The following KIF16B variants were observed in gnomAD, a reference collection of about 807,000 sequenced individuals.
The protein encoded by KIF16B is kinesin-like protein KIF16B.
Under a neutral mutation model 156.3 loss-of-function variants are expected in KIF16B, and 98 were observed. The ratio of observed to expected loss-of-function variants is 0.63; its 90% CI spans 0.53 to 0.74. The LOEUF (loss-of-function observed/expected upper bound fraction) is 0.74. Ranked by LOEUF, KIF16B falls within the 30% of genes least tolerant of loss-of-function variation. The probability of loss-of-function intolerance (pLI) is 0.00; values close to 1 mark genes in which losing one functional copy is unlikely to be tolerated. For synonymous variants in KIF16B, 564 were observed against 583.7 expected (o/e 0.97, Z 0.49); for missense variants, 1,421 against 1,606.5 (o/e 0.88, Z 1.97).
chr20:16,307,042 T>G lies in KIF16B; in HGVS notation c.3795+5293A>C, dbSNP rs950274319. Among the ~76,000 whole-genome samples the G allele has an allele frequency of 2.0e-5, 3 of 152,204 alleles. No homozygotes were observed. In the East Asian group the frequency reaches 5.8e-4, roughly 29 times the overall value. On this transcript the variant is annotated intron_variant, in intron 25 of 25. Transcript: ENST00000354981. The stretch of plus-strand genomic sequence containing the variant: ...CATTTCTTTCGATCTATCTTAATGC[T>G]CAAGCTAAAGAGATGAAAATGGGGA...
At chr20:16,503,042 C>T (rs193186830) in intron 10 of KIF16B, among the ~76,000 whole-genome samples, 1 of 152,226 alleles carries the variant, frequency 6.6e-6, no homozygotes, top group Non-Finnish European at 1.5e-5. Flanking sequence ...CGTGAAACCC[C>T]GTCTCTACCA....
chr20:16,292,159 T>C (rs2122496068), intron 25 of KIF16B, among the ~76,000 whole-genome samples: 1 of 152,380 alleles, frequency 6.6e-6, no homozygotes, highest in Admixed American at 6.5e-5. Flanking sequence ...AAAATGTTTT[T>C]GGTTGCCTGG....
At chr20:16,491,089 T>C (rs927219239) in intron 12 of KIF16B, among the ~76,000 whole-genome samples, 15 of 151,854 alleles carry the variant, frequency 9.9e-5, no homozygotes, top group African/African-American at 3.4e-4. Context: ...AACTGGGAAG[T>C]AGGGGAGAAG....
At chr20:16,561,110 T>G (rs2071042419) in intron 1 of KIF16B, among the ~76,000 whole-genome samples, 2 of 152,044 alleles carry the variant, frequency 1.3e-5, no homozygotes, top group Non-Finnish European at 2.9e-5. Flanking sequence ...GCCAACATGG[T>G]GAAACCCCGT....
intron 12 of KIF16B, among the ~76,000 whole-genome samples, chr20:16,441,070 T>C (rs2066786805): frequency 6.6e-6 from 1 of 152,234 alleles, no homozygotes; most frequent in African/African-American, 2.4e-5. Context: ...TTAGTATATT[T>C]CACCTACATG....
At chr20:16,411,254 T>G (rs956712640) in intron 15 of KIF16B, among the ~76,000 whole-genome samples, 1 of 151,926 alleles carries the variant, frequency 6.6e-6, no homozygotes, top group African/African-American at 2.4e-5. Flanking sequence ...TGGGATCCAC[T>G]CTTTTAATAC....
chr20:16,444,917 A>G (rs1288451219), intron 12 of KIF16B, among the ~76,000 whole-genome samples: 1 of 152,220 alleles, frequency 6.6e-6, no homozygotes, highest in African/African-American at 2.4e-5. Context: ...TTCTATTCTA[A>G]ATAAACTAAG....
At chr20:16,359,005 C>G (rs1026300136) in intron 22 of KIF16B, among the ~76,000 whole-genome samples, 4 of 152,188 alleles carry the variant, frequency 2.6e-5, no homozygotes, top group African/African-American at 9.7e-5. Flanking sequence ...TAGTTTTTCT[C>G]AACTGCACAT....
chr20:16,447,500 G>A (rs1362448195), intron 12 of KIF16B, among the ~76,000 whole-genome samples: 1 of 151,958 alleles, frequency 6.6e-6, no homozygotes, highest in South Asian at 2.1e-4. Flanking sequence ...GCGGCTGGGT[G>A]CAGTGGCTCA....
chr20:16,553,433 G>A (rs943054846), intron 1 of KIF16B, among the ~76,000 whole-genome samples: 1 of 152,160 alleles, frequency 6.6e-6, no homozygotes, highest in African/African-American at 2.4e-5. Flanking sequence ...TGAGGGTGGG[G>A]ATCGTACCCT....
intron 1 of KIF16B, among the ~76,000 whole-genome samples, chr20:16,562,479 G>A (rs1274447374): frequency 2.0e-5 from 3 of 152,106 alleles, no homozygotes; most frequent in Admixed American, 6.5e-5. Context: ...TCCTCCTCAC[G>A]GAGAACAATG....
In KIF16B at chr20:16,505,851, C is replaced by T. The variant is rs2068758199; in HGVS notation, c.871G>A (p.Asp291Asn). The stretch of plus-strand genomic sequence containing the variant: ...GTATTTGCAGCATCCTGAGATAAAT[C>T]AGCTATGAAAAGGAAGAAACAAAGG... ...TLGNVISALA[D>N]LSQDAANTLA... Residue 291 changes from aspartate (D) to asparagine (N), a missense_variant and splice_region_variant, in exon 9 of 26, where the codon GAT (aspartate) becomes AAT (asparagine). Physicochemically the swap from Asp to Asn is conservative, Grantham distance 23. Coordinates refer to ENST00000354981, the MANE Select transcript of KIF16B (RefSeq NM_024704.5). 3 of 1,613,690 alleles carry T rather than the reference C, an allele frequency of 1.9e-6. No homozygotes were observed. Among genetic ancestry groups the T allele is most frequent in the Non-Finnish European group, 2.5e-6 (3 of 1,179,894 alleles).
rs73898732 is a variant in KIF16B at position 16,427,356 on chromosome 20, A to G, written c.1475-115T>C. On this transcript the variant is annotated intron_variant, in intron 14 of 25. Coordinates refer to ENST00000354981, the MANE Select transcript of KIF16B (RefSeq NM_024704.5). ...CTTTTGAATACTCTTCCTTTTCCAC[A>G]TAAGTATCATGAAGTGAACATTTAT... is the stretch of plus-strand genomic sequence containing the variant. 1,843 of 1,018,776 alleles carry G rather than the reference A, an allele frequency of 1.8e-3. 10 individuals carry two copies. The highest frequency in any genetic ancestry group is 0.012 in the Middle Eastern group (46 of 3,730). The allele number at this position is 1,018,776 out of a possible 1,614,324, so 63.1% of individuals were successfully genotyped here.
chr20:16,364,878 T>C (rs550295170), intron 22 of KIF16B, among the ~76,000 whole-genome samples: 26 of 152,224 alleles, frequency 1.7e-4, no homozygotes, highest in Non-Finnish European at 2.9e-4. Context: ...ACGATGCTCG[T>C]ATCTGCTGCA....
At chr20:16,545,515 A>C (rs1162188889) in intron 1 of KIF16B, among the ~76,000 whole-genome samples, 1 of 152,194 alleles carries the variant, frequency 6.6e-6, no homozygotes, top group African/African-American at 2.4e-5. Flanking sequence ...AAATACAAAA[A>C]TTAGCCAGGT....
At chr20:16,474,319 T>C (rs2067747878) in intron 12 of KIF16B, among the ~76,000 whole-genome samples, 1 of 152,206 alleles carries the variant, frequency 6.6e-6, no homozygotes, top group Admixed American at 6.5e-5. Context: ...CCAGCCTCTG[T>C]TTCCTAACAT....
chr20:16,430,578 T>C (rs2066470426), intron 12 of KIF16B, among the ~76,000 whole-genome samples: 1 of 152,128 alleles, frequency 6.6e-6, no homozygotes, highest in East Asian at 1.9e-4. Flanking sequence ...CTCTGTGCCT[T>C]TTAGAGAAAA....
chr20:16,340,449 G>A (rs2064120565), intron 23 of KIF16B, among the ~76,000 whole-genome samples: 1 of 152,208 alleles, frequency 6.6e-6, no homozygotes, highest in African/African-American at 2.4e-5. Flanking sequence ...TCTAAGGAGA[G>A]CTAAGATTTT....
chr20:16,467,019 T>A (rs2067510216), intron 12 of KIF16B, among the ~76,000 whole-genome samples: 1 of 152,178 alleles, frequency 6.6e-6, no homozygotes, highest in Admixed American at 6.5e-5. Flanking sequence ...GGAAAAGAAA[T>A]CACTGTGAAA....
Sources: gnomAD v4.1 joint callset for allele counts (sites outside exome capture counted in the v4.1 genomes callset) on GRCh38, gnomAD v4.1.1 for gene constraint, MANE v1.5 for transcripts, NCBI Gene and HGNC (gene_info 2026-07-23, HGNC 2026-07-21) for gene names.